Variants in SIRT2 observed in about 807,000 individuals in gnomAD.
SIRT2 encodes the protein sirtuin 2.
Under a neutral mutation model 57.4 loss-of-function variants are expected in SIRT2, and 40 were observed. The observed-to-expected ratio is 0.70, with a 90% CI of 0.54 to 0.91. The LOEUF (loss-of-function observed/expected upper bound fraction) is 0.91. Among genes scored for constraint, SIRT2 ranks in the 40% least tolerant of loss-of-function variants. SIRT2 has a pLI of 0.00. For missense variants in SIRT2, 439 were observed against 510.4 expected (o/e 0.86, Z 1.35); for synonymous variants, 161 against 195.7 (o/e 0.82, Z 1.48).
chr19:38,879,867 C>T (rs1973084836), intron 13 of SIRT2, 165 bp from the exon 14 acceptor site: 5 of 608,002 alleles, frequency 8.2e-6, no homozygotes, highest in African/African-American at 1.9e-5. Context: ...CTCTTGTTGC[C>T]CAGGCTGGAG....
intron 8 of SIRT2, among the ~76,000 whole-genome samples, chr19:38,886,508 C>T (rs1973344825): frequency 6.7e-6 from 1 of 149,874 alleles, no homozygotes; most frequent in African/African-American, 2.5e-5. Flanking sequence ...GGCTGGAGTA[C>T]AGTAGCTTGA....
At chr19:38,879,564 C>T in intron 14 of SIRT2, 64 bp from the exon 15 acceptor site, 3 of 1,556,206 alleles carry the variant, frequency 1.9e-6, no homozygotes, top group Non-Finnish European at 2.6e-6. Context: ...CTCTCATCTG[C>T]CTTCGTGCCC....
intron 8 of SIRT2, among the ~76,000 whole-genome samples, chr19:38,887,166 C>T (rs1402147224): frequency 2.6e-5 from 4 of 152,086 alleles, no homozygotes; most frequent in African/African-American, 7.2e-5. Context: ...ACACATACAC[C>T]GTTTCTGACT....
At chr19:38,892,122 C>T (rs923411833) in intron 4 of SIRT2, among the ~76,000 whole-genome samples, 2 of 152,084 alleles carry the variant, frequency 1.3e-5, no homozygotes, top group African/African-American at 2.4e-5. Context: ...CAGGCCGGGA[C>T]GGGTGGTTCA....
At chr19:38,879,590 C>T (rs200005036) in intron 14 of SIRT2, 42 bp downstream of exon 14, 435 of 1,556,218 alleles carry the variant, frequency 2.8e-4, no homozygotes, top group Non-Finnish European at 3.3e-4. Context: ...CCCACCTCAC[C>T]CTGTCCCTTC....
chr19:38,885,676 C>T (rs558943881), intron 8 of SIRT2, among the ~76,000 whole-genome samples: 4 of 151,180 alleles, frequency 2.6e-5, no homozygotes. Flanking sequence ...CTGCAAGCTC[C>T]GCCTCCCAGG....
intron 9 of SIRT2, among the ~76,000 whole-genome samples, 170 bp from the exon 10 acceptor site, chr19:38,881,661 T>C (rs1416023266): frequency 6.6e-6 from 1 of 151,894 alleles, no homozygotes; most frequent in Admixed American, 6.6e-5. Context: ...AGACCTCTCT[T>C]CTTGTTGTTG....
At chr19:38,886,012 T>C (rs1973326231) in intron 8 of SIRT2, among the ~76,000 whole-genome samples, 2 of 152,230 alleles carry the variant, frequency 1.3e-5, no homozygotes, top group South Asian at 2.1e-4. Flanking sequence ...CAGCTGTTGT[T>C]TGCCTGTGAG....
chr19:38,880,828 T>C lies in SIRT2; in HGVS notation c.817A>G (p.Ile273Val). The stretch of plus-strand genomic sequence containing the variant: ...CCACAGCCCCCAACCTACTTGCTGA[T>C]GAGGGAGGCAAAGGGCTGCACCTGC... ...SLQVQPFASL[I>V]SKAPLSTPRL... is the part of the protein sequence containing the mutation. Residue 273 changes from isoleucine (I) to valine (V), a missense_variant, in exon 12 of 16, where the codon ATC becomes GTC. Physicochemically the swap from Ile to Val is conservative, Grantham distance 29. Coordinates refer to ENST00000249396, the MANE Select transcript of SIRT2 (RefSeq NM_012237.4). This position sits in a 1 kb window ranked among gnomAD's most constrained non-coding sequence, Gnocchi z 4.1. The C allele has an allele frequency of 6.2e-7, 1 of 1,613,822 alleles. No homozygotes were observed. Among genetic ancestry groups the C allele is most frequent in the Non-Finnish European group, 8.5e-7 (1 of 1,179,906 alleles).
At chr19:38,888,883 CCT>C (rs962975407) in intron 8 of SIRT2, among the ~76,000 whole-genome samples, 15 of 152,222 alleles carry the variant, frequency 9.9e-5, no homozygotes, top group African/African-American at 3.4e-4. Context: ...TTTTCTGGCC[CCT>C]GTTTGACGGA....
At chr19:38,881,307 T>C in intron 10 of SIRT2, 125 bp downstream of exon 10, 1 of 1,158,032 alleles carries the variant, frequency 8.6e-7, no homozygotes, top group South Asian at 1.3e-5. Context: ...AGGATGGATC[T>C]GGGGCACTGT....
Position 38,890,092 on chromosome 19 carries a change from G to C in SIRT2, c.268+11C>G, listed in dbSNP as rs781170334. On this transcript the variant is annotated intron_variant, in intron 5 of 15. Coordinates refer to ENST00000249396, the MANE Select transcript of SIRT2 (RefSeq NM_012237.4). ...CCTGGGGGTAGCTGCTGGGGGAGAA[G>C]GGTTACTTACATGTGGAGATTCCAG... 6.2e-6 allele frequency: 10 copies of C among 1,614,090 alleles called. No homozygotes were observed. Among genetic ancestry groups the C allele is most frequent in the Non-Finnish European group, 8.5e-6 (10 of 1,180,034 alleles).
chr19:38,898,356 C>T (rs200621905), intron 2 of SIRT2, 23 bp downstream of exon 2: 1 of 1,470,434 alleles, frequency 6.8e-7, no homozygotes, highest in Admixed American at 2.1e-5. Context: ...CTCTCCTCCC[C>T]TCCACCCTTT....
chr19:38,887,997 G>T (rs10423022), intron 8 of SIRT2, among the ~76,000 whole-genome samples: 23,097 of 152,054 alleles, frequency 0.15, 2,791 homozygotes, highest in East Asian at 0.37. Flanking sequence ...CTCGTGATCT[G>T]CCCACCTCGG....
At chr19:38,881,528 A>C in intron 9 of SIRT2, 37 bp from the exon 10 acceptor site, 5 of 1,590,162 alleles carry the variant, frequency 3.1e-6, no homozygotes, top group Non-Finnish European at 4.3e-6. Context: ...GAAGGCAGTA[A>C]GAGGATCTGG....
chr19:38,894,159 C>T (rs1355242737), intron 2 of SIRT2: 26 of 430,670 alleles, frequency 6.0e-5, no homozygotes, highest in Non-Finnish European at 9.9e-5. Flanking sequence ...TGCACTGGTG[C>T]AGTCACAGCT....
chr19:38,899,016 G>GAGGGAAGTTTAGAAAGGAAAAGAGA (rs1323132011), intron 1 of SIRT2: 2 of 196,286 alleles, frequency 1.0e-5, no homozygotes, highest in Non-Finnish European at 2.2e-5. Context: ...TTACAAGGCA[G>GAGGGAAGTTTAGAAAGGAAAAGAGA]AGGGAAGTTT....
chr19:38,879,222 G>A lies in SIRT2; in HGVS notation c.1103C>T (p.Ser368Phe), dbSNP rs1167720468. The part of the protein sequence containing the change: ...AGVPNPSTSA[S>F]PKKSPPPAKD... ...GGCAGGTGGCGGGGACTTCTTGGGGGAAGCTGAAGTGCTGGGGTTGGGGAC... is the reference window on the plus strand; with the variant it reads ...GGCAGGTGGCGGGGACTTCTTGGGGAAAGCTGAAGTGCTGGGGTTGGGGAC... The change falls in exon 16 of 16, where the codon TCC becomes TTC. Residue 368 changes from serine (S) to phenylalanine (F), a missense_variant. Physicochemically the swap from Ser to Phe is radical, Grantham distance 155. Coordinates refer to ENST00000249396, the MANE Select transcript of SIRT2 (RefSeq NM_012237.4). The A allele has an allele frequency of 3.1e-6, 5 of 1,594,726 alleles. No individual in the cohort carries two copies. The highest frequency in any genetic ancestry group is 1.1e-5 in the South Asian group (1 of 88,678).
intron 8 of SIRT2, among the ~76,000 whole-genome samples, chr19:38,884,974 A>G (rs1973279863): frequency 6.6e-6 from 1 of 152,104 alleles, no homozygotes; most frequent in Admixed American, 6.6e-5. Flanking sequence ...TGCTGGGATT[A>G]CAGTGTGAGT....
Sources: allele counts gnomAD v4.1 joint callset (sites outside exome capture counted in the v4.1 genomes callset), GRCh38; gene constraint gnomAD v4.1.1; non-coding constraint Gnocchi (gnomAD v3.1); transcripts MANE v1.5; gene names NCBI Gene and HGNC (gene_info 2026-07-23, HGNC 2026-07-21).